Variants in PCDH7 observed in about 807,000 individuals in gnomAD.
The protein encoded by PCDH7 is protocadherin 7.
In PCDH7, 17 loss-of-function variants were observed where a neutral mutation model predicts 58.9. The observed-to-expected ratio is 0.29, with a 90% CI of 0.20 to 0.43. The LOEUF (loss-of-function observed/expected upper bound fraction) is 0.43, where lower values mean the gene tolerates loss of function less well. Among genes scored for constraint, PCDH7 ranks in the 20% least tolerant of loss-of-function variants. The pLI is 1.00. For synonymous variants in PCDH7, 664 were observed against 616.4 expected (o/e 1.08, Z -1.14); for missense variants, 1,274 against 1,441.0 (o/e 0.88, Z 1.88).
chr4:30,935,181 A>C (rs1268158681), intron 2 of PCDH7: 3 of 164,846 alleles, frequency 1.8e-5, no homozygotes, highest in Non-Finnish European at 2.5e-5. Flanking sequence ...GTATTACTTT[A>C]CTATATTGAG....
chr4:30,998,256 A>T (rs1360864186), intron 3 of PCDH7, among the ~76,000 whole-genome samples: 1 of 152,170 alleles, frequency 6.6e-6, no homozygotes, highest in Non-Finnish European at 1.5e-5. Flanking sequence ...GAAAACCAGA[A>T]TGTTAAGGTG....
chr4:30,944,232 C>T (rs1285563759), intron 2 of PCDH7, among the ~76,000 whole-genome samples: 1 of 152,012 alleles, frequency 6.6e-6, no homozygotes, highest in Admixed American at 6.6e-5. Context: ...TCCAGATATC[C>T]TCTAGTAAGA....
At chr4:31,060,756 G>A (rs1341945412) in intron 3 of PCDH7, among the ~76,000 whole-genome samples, 1 of 151,672 alleles carries the variant, frequency 6.6e-6, no homozygotes, top group African/African-American at 2.4e-5. Context: ...TTTCTTTGAA[G>A]CACAAAGACT....
At chr4:30,951,258 T>C (rs1747335092) in intron 3 of PCDH7, among the ~76,000 whole-genome samples, 1 of 152,174 alleles carries the variant, frequency 6.6e-6, no homozygotes, top group Non-Finnish European at 1.5e-5. Flanking sequence ...TTACATACAT[T>C]TTCACCGAAC....
intron 3 of PCDH7, among the ~76,000 whole-genome samples, chr4:30,968,398 A>AG (rs1560541660): frequency 1.8e-5 from 1 of 55,148 alleles, no homozygotes; most frequent in African/African-American, 1.1e-4. Flanking sequence ...ATATATATAT[A>AG]TATATATATA....
intron 3 of PCDH7, among the ~76,000 whole-genome samples, chr4:30,968,384 A>ATACACACAC (rs1560541607): frequency 1.4e-4 from 7 of 51,434 alleles, no homozygotes; most frequent in African/African-American, 7.4e-4. Context: ...CACTATATAT[A>ATACACACAC]TATATATATA....
At chr4:30,904,592 C>A (rs901740582) in intron 1 of PCDH7, among the ~76,000 whole-genome samples, 1 of 152,268 alleles carries the variant, frequency 6.6e-6, no homozygotes, top group Admixed American at 6.5e-5. Context: ...AGACTTGGAC[C>A]TTGTTGGGAG....
chr4:30,826,780 T>C (rs1729136863), intron 1 of PCDH7, among the ~76,000 whole-genome samples: 1 of 151,990 alleles, frequency 6.6e-6, no homozygotes, highest in South Asian at 2.1e-4. Context: ...GGCTGGAGTA[T>C]AGCAGCACCA....
chr4:31,048,407 A>ATAAATT (rs1347062529), intron 3 of PCDH7, among the ~76,000 whole-genome samples: 5 of 152,124 alleles, frequency 3.3e-5, no homozygotes, highest in African/African-American at 1.2e-4. Flanking sequence ...CCACTAAGGC[A>ATAAATT]TGTAAATATT....
chr4:30,817,570 T>C (rs1024989377), intron 1 of PCDH7, among the ~76,000 whole-genome samples: 1 of 152,182 alleles, frequency 6.6e-6, no homozygotes, highest in Non-Finnish European at 1.5e-5. Context: ...GAGACTTATG[T>C]AATTTGTTGA....
At chr4:31,048,299 G>A (rs1188419689) in intron 3 of PCDH7, among the ~76,000 whole-genome samples, 1 of 152,044 alleles carries the variant, frequency 6.6e-6, no homozygotes, top group Non-Finnish European at 1.5e-5. Context: ...CCTCAGACAA[G>A]AAGGTATACA....
At chr4:30,952,927 A>G (rs1343489885) in intron 3 of PCDH7, among the ~76,000 whole-genome samples, 1 of 152,196 alleles carries the variant, frequency 6.6e-6, no homozygotes, top group Non-Finnish European at 1.5e-5. Context: ...CTCTACCAAG[A>G]TACTCATAAC....
intron 1 of PCDH7, among the ~76,000 whole-genome samples, chr4:30,856,418 T>G (rs996256395): frequency 6.6e-6 from 1 of 152,022 alleles, no homozygotes; most frequent in African/African-American, 2.4e-5. Context: ...GAGAATTTAG[T>G]AGGTAAAAGA....
At chr4:30,801,922 C>T (rs1725572620) in intron 1 of PCDH7, among the ~76,000 whole-genome samples, 1 of 152,154 alleles carries the variant, frequency 6.6e-6, no homozygotes, top group Admixed American at 6.5e-5. Context: ...CTGAAATGTC[C>T]TGTTGGAGAA....
chr4:30,887,230 A>C (rs1303345016), intron 1 of PCDH7, among the ~76,000 whole-genome samples: 1 of 152,168 alleles, frequency 6.6e-6, no homozygotes, highest in Non-Finnish European at 1.5e-5. Context: ...TCCCCTGTTG[A>C]TAGTAAGGAT....
At chr4:31,114,752 A>G (rs1197665299) in intron 3 of PCDH7, among the ~76,000 whole-genome samples, 1 of 151,956 alleles carries the variant, frequency 6.6e-6, no homozygotes, top group Non-Finnish European at 1.5e-5. Context: ...GAGAGAGGTG[A>G]ACATATACAG....
chr4:31,114,624 C>T (rs1380127375), intron 3 of PCDH7, among the ~76,000 whole-genome samples: 1 of 118,416 alleles, frequency 8.4e-6, no homozygotes, highest in Non-Finnish European at 1.7e-5. Flanking sequence ...CACACACTCA[C>T]ACATACAAAC....
At chr4:30,842,049 T>G (rs1218026815) in intron 1 of PCDH7, among the ~76,000 whole-genome samples, 1 of 152,074 alleles carries the variant, frequency 6.6e-6, no homozygotes, top group Non-Finnish European at 1.5e-5. Flanking sequence ...TCCCATGAGC[T>G]GGGTATGAGG....
chr4:30,827,669 CAT>C (rs969089114), intron 1 of PCDH7, among the ~76,000 whole-genome samples: 19 of 152,258 alleles, frequency 1.2e-4, no homozygotes, highest in African/African-American at 4.6e-4. Context: ...CATCAATCTA[CAT>C]AGACAGTTGT....
Sources: gnomAD v4.1 joint callset for allele counts (sites outside exome capture counted in the v4.1 genomes callset) on GRCh38, gnomAD v4.1.1 for gene constraint, MANE v1.5 for transcripts, NCBI Gene and HGNC (gene_info 2026-07-23, HGNC 2026-07-21) for gene names.